DNAH14: variants seen among roughly 807,000 people sequenced by gnomAD.
DNAH14 encodes axonemal beta dynein heavy chain 14.
In DNAH14, 478 loss-of-function variants were observed where a neutral mutation model predicts 520.9. That is an observed-to-expected ratio of 0.92 (90% CI 0.85 to 0.99). DNAH14 has a LOEUF of 0.99. Among genes scored for constraint, DNAH14 ranks in the 50% least tolerant of loss-of-function variants. The pLI is 0.00. For synonymous variants in DNAH14, 1,581 were observed against 1,757.2 expected, an observed-to-expected ratio of 0.90 and a Z score of 2.51; for missense variants, 4,831 against 5,234.5, an observed-to-expected ratio of 0.92 and a Z score of 2.38.
chr1:225,186,609 A>G (rs2084777157), intron 37 of DNAH14, among the ~76,000 whole-genome samples: 1 of 151,802 alleles, frequency 6.6e-6, no homozygotes, highest in Non-Finnish European at 1.5e-5. Context: ...AAATGTGAAA[A>G]CGTATTACTG....
intron 10 of DNAH14, among the ~76,000 whole-genome samples, chr1:225,008,152 C>T (rs995394822): frequency 6.6e-6 from 1 of 151,874 alleles, no homozygotes; most frequent in African/African-American, 2.4e-5. Context: ...TCATCTCCAA[C>T]TTATGAGTGA....
chr1:224,931,394 G>C (rs1026200392), intron 1 of DNAH14, among the ~76,000 whole-genome samples: 1 of 152,082 alleles, frequency 6.6e-6, no homozygotes, highest in African/African-American at 2.4e-5. Context: ...TATGAGGTAC[G>C]TGAGAAATTT....
intron 69 of DNAH14, among the ~76,000 whole-genome samples, chr1:225,342,490 T>C (rs2150393948): frequency 6.6e-6 from 1 of 152,240 alleles, no homozygotes; most frequent in African/African-American, 2.4e-5. Flanking sequence ...AAAGTAAAGG[T>C]TGAATTCTTT....
intron 50 of DNAH14, among the ~76,000 whole-genome samples, chr1:225,271,655 G>GA (rs913736152): frequency 2.6e-5 from 4 of 152,142 alleles, no homozygotes; most frequent in Non-Finnish European, 5.9e-5. Context: ...ATTGTCCCCA[G>GA]AAAAAATGTA....
chr1:225,139,316 T>C (rs1161514060), intron 27 of DNAH14, among the ~76,000 whole-genome samples: 1 of 152,246 alleles, frequency 6.6e-6, no homozygotes, highest in Non-Finnish European at 1.5e-5. Context: ...ATCCCTGGTC[T>C]TCCAAACATG....
At chr1:225,315,969 G>C (rs2094460209) in intron 60 of DNAH14, among the ~76,000 whole-genome samples, 1 of 152,206 alleles carries the variant, frequency 6.6e-6, no homozygotes, top group Non-Finnish European at 1.5e-5. Context: ...CCTTCCTTCA[G>C]GTGCTCTGTC....
intron 17 of DNAH14, among the ~76,000 whole-genome samples, chr1:225,070,507 T>C (rs549812795): frequency 6.6e-6 from 1 of 152,184 alleles, no homozygotes; most frequent in Non-Finnish European, 1.5e-5. Flanking sequence ...TCAGTGTCAT[T>C]GTATGGATTT....
In DNAH14 at chr1:225,159,629, A is replaced by G. The variant is rs2149140386; in HGVS notation, c.5445+144A>G. ...AGGGGATAAAAATACTTGGAGATAT[A>G]TAGTGCCCCTTGGGGAAAAAAAGAG... On this transcript the variant is annotated intron_variant, in intron 35 of 85. Coordinates refer to ENST00000682510, the MANE Select transcript of DNAH14 (RefSeq NM_001367479.1). The G allele has an allele frequency of 4.4e-6, 4 of 904,126 alleles. No homozygotes were observed. In the South Asian group the frequency reaches 8.0e-5, roughly 18 times the overall value. 56.0% of individuals were successfully genotyped at this position (904,126 alleles called of 1,614,324 possible).
chr1:225,276,942 AAAGG>A (rs1233915382), intron 53 of DNAH14, among the ~76,000 whole-genome samples: 7,653 of 68,942 alleles, frequency 0.11, 917 homozygotes, highest in Non-Finnish European at 0.15. Context: ...AGAAGAAGAA[AAAGG>A]AAGGAAGGAA....
chr1:225,300,900 T>C lies in DNAH14; in HGVS notation c.8501T>C (p.Ile2834Thr), dbSNP rs1274712455. 1 of 1,550,728 alleles carries C rather than the reference T, an allele frequency of 6.4e-7. No individual in the cohort carries two copies. Among genetic ancestry groups the C allele is most frequent in the Non-Finnish European group, 8.7e-7 (1 of 1,146,788 alleles). ...TTTTTAGAAGATTTGAACTACATCA[T>C]CAGTTCAGGAAGAATACCTGACCTG... is the stretch of plus-strand genomic sequence containing the variant. ...DSFLEDLNYI[I>T]SSGRIPDLFE... Residue 2834 changes from isoleucine (I) to threonine (T), a missense_variant, in exon 56 of 86, where the codon ATC becomes ACC. Transcript: ENST00000682510.
chr1:225,195,880 G>T (rs527721495), intron 38 of DNAH14, among the ~76,000 whole-genome samples: 33 of 152,044 alleles, frequency 2.2e-4, no homozygotes, highest in African/African-American at 4.6e-4. Flanking sequence ...TGTTAGCAAG[G>T]ATATGTAGAA....
intron 27 of DNAH14, among the ~76,000 whole-genome samples, chr1:225,137,424 C>T (rs1173975671): frequency 6.6e-6 from 1 of 152,120 alleles, no homozygotes; most frequent in African/African-American, 2.4e-5. Flanking sequence ...GGTGCAATCT[C>T]AGCTCACTGC....
intron 68 of DNAH14, 200 bp downstream of exon 68, chr1:225,338,382 C>A (rs1374446439): frequency 6.9e-6 from 5 of 722,350 alleles, no homozygotes; most frequent in Non-Finnish European, 1.2e-5. Context: ...CAAGTCACTC[C>A]AAACCAACAC....
Position 225,337,542 on chromosome 1 carries a change from G to T in DNAH14, c.10311+46G>T, listed in dbSNP as rs1278809826. 3.4e-6 allele frequency: 5 copies of T among 1,454,160 alleles called. No homozygotes were observed. In the African/African-American group the frequency reaches 7.0e-5, roughly 20 times the overall value. The allele number at this position is 1,454,160 out of a possible 1,614,324, so 90.1% of individuals were successfully genotyped here. A position where few individuals can be genotyped will look rare whatever the true frequency, so the allele number is the denominator to read the frequency against. On this transcript the variant is annotated intron_variant, in intron 67 of 85. Coordinates refer to ENST00000682510, the MANE Select transcript of DNAH14 (RefSeq NM_001367479.1). ...AATTTCCCTTGCAGCTGATACATAT[G>T]TTGTATGCACTGAGCATAAAGGCTA... is the stretch of plus-strand genomic sequence containing the variant.
chr1:225,100,965 G>C lies in DNAH14; in HGVS notation c.3867+81G>C, dbSNP rs150493105. The stretch of plus-strand genomic sequence containing the variant: ...TGATATAATGTAATCTACTGCAGAA[G>C]CTAATTCCAGTGCAGATTTTCTTTA... On this transcript the variant is annotated intron_variant, in intron 23 of 85. Coordinates refer to ENST00000682510, the MANE Select transcript of DNAH14 (RefSeq NM_001367479.1). 362 of 1,139,498 alleles carry C rather than the reference G, an allele frequency of 3.2e-4. 2 individuals carry two copies. The African/African-American group carries it at 4.4e-3, about 14-fold the overall frequency. 70.6% of individuals were successfully genotyped at this position (1,139,498 alleles called of 1,614,324 possible).
At chr1:225,179,271 G>A (rs961478840) in intron 36 of DNAH14, among the ~76,000 whole-genome samples, 1 of 152,024 alleles carries the variant, frequency 6.6e-6, no homozygotes, top group Non-Finnish European at 1.5e-5. Flanking sequence ...TTATTTTCTG[G>A]TTGTTTTTGT....
At chr1:225,278,396 C>T (rs529725425) in intron 54 of DNAH14, among the ~76,000 whole-genome samples, 1 of 152,144 alleles carries the variant, frequency 6.6e-6, no homozygotes, top group Admixed American at 6.5e-5. Flanking sequence ...GTATTTCAAA[C>T]CTGCATATTT....
chr1:225,220,058 A>C lies in DNAH14; in HGVS notation c.6440-11015A>C, dbSNP rs115563635. ...ATAAGCAGAACCAATGTCGAAAATC[A>C]TGTGATTATCTCAATAGATGCAGAA... is the stretch of plus-strand genomic sequence containing the variant. On this transcript the variant is annotated intron_variant, in intron 41 of 85. Coordinates refer to ENST00000682510, the MANE Select transcript of DNAH14 (RefSeq NM_001367479.1). Among the ~76,000 whole-genome samples the C allele has an allele frequency of 6.0e-3, 921 of 152,342 alleles. 3 individuals are homozygous for C. The highest frequency in any genetic ancestry group is 0.021 in the African/African-American group (853 of 41,572).
chr1:224,938,908 T>C (rs1011057683), intron 1 of DNAH14, among the ~76,000 whole-genome samples: 5 of 152,216 alleles, frequency 3.3e-5, no homozygotes, highest in African/African-American at 1.2e-4. Context: ...GAGGCTATTA[T>C]GCTAAGTGAA....
Sources: allele counts gnomAD v4.1 joint callset (sites outside exome capture counted in the v4.1 genomes callset), GRCh38; gene constraint gnomAD v4.1.1; transcripts MANE v1.5; gene names NCBI Gene and HGNC (gene_info 2026-07-23, HGNC 2026-07-21).